TNS1: variants seen among roughly 807,000 people sequenced by gnomAD.
The protein encoded by TNS1 is tensin 1.
A neutral mutation model predicts 168.6 loss-of-function variants in TNS1; 62 were observed. That is an observed-to-expected ratio of 0.37 (90% CI 0.30 to 0.45). The LOEUF (loss-of-function observed/expected upper bound fraction) is 0.45, where lower values mean the gene tolerates loss of function less well. TNS1 is among the 20% of genes least tolerant of loss of function. TNS1 has a pLI of 1.00. For missense variants in TNS1, 2,240 were observed against 2,339.4 expected, an observed-to-expected ratio of 0.96 and a Z score of 0.88; for synonymous variants, 934 against 933.2, an observed-to-expected ratio of 1.00 and a Z score of -0.02.
chr2:217,841,606 G>A (rs932813835), intron 19 of TNS1, among the ~76,000 whole-genome samples: 3 of 152,052 alleles, frequency 2.0e-5, no homozygotes, highest in African/African-American at 7.3e-5. Flanking sequence ...GCACCACAGC[G>A]TTTCCCTCTC....
chr2:217,869,739 A>G (rs1442259893), intron 18 of TNS1, among the ~76,000 whole-genome samples: 1 of 152,228 alleles, frequency 6.6e-6, no homozygotes, highest in Non-Finnish European at 1.5e-5. Flanking sequence ...AGCAAAACAA[A>G]GGAGAAAAGA....
At chr2:217,959,335 C>T (rs1157575785) in intron 3 of TNS1, among the ~76,000 whole-genome samples, 1 of 151,998 alleles carries the variant, frequency 6.6e-6, no homozygotes, top group Non-Finnish European at 1.5e-5. Flanking sequence ...TAGCATGGAA[C>T]CTGGTATCTT....
At chr2:217,809,484 GATGGATGCATGGATGGATGC>G (rs1940273541) in intron 30 of TNS1, among the ~76,000 whole-genome samples, 1 of 21,600 alleles carries the variant, frequency 4.6e-5, no homozygotes, top group Non-Finnish European at 9.1e-5. Context: ...TGGATGGATG[GATGGATGCATGGATGGATGC>G]ATGGATGGAT....
At position 217,944,148 on chromosome 2, in the gene TNS1, G is replaced by A. The variant is rs187740668; in HGVS notation, c.187-23912C>T. Reference sequence around the variant, plus strand: ...GCCAACAGTGCACCGCCTCCTTCCCGGAGCCAGCCAGCAGTGGGCCCCCTC... The same window carrying A: ...GCCAACAGTGCACCGCCTCCTTCCCAGAGCCAGCCAGCAGTGGGCCCCCTC... On this transcript the variant is annotated intron_variant, in intron 3 of 32. Coordinates refer to ENST00000682258, the MANE Select transcript of TNS1 (RefSeq NM_001387777.1). 7.4e-3 allele frequency: 1,130 copies of A among 152,568 alleles called. 18 individuals are homozygous for A. The highest frequency in any genetic ancestry group is 7.2e-3 in the Non-Finnish European group (491 of 68,224). 9.5% of individuals were successfully genotyped at this position (152,568 alleles called of 1,614,324 possible).
chr2:217,935,547 C>G (rs1956559968), intron 3 of TNS1, among the ~76,000 whole-genome samples: 1 of 152,216 alleles, frequency 6.6e-6, no homozygotes, highest in Non-Finnish European at 1.5e-5. Flanking sequence ...CCGGCCACAG[C>G]AGAGGCAGCC....
intron 19 of TNS1, among the ~76,000 whole-genome samples, chr2:217,836,637 A>G (rs550884059): frequency 3.4e-4 from 52 of 152,318 alleles, no homozygotes; most frequent in African/African-American, 1.2e-3. Flanking sequence ...ACTCTTGGAA[A>G]GGGCTAAATT....
chr2:217,916,667 A>T (rs756169569), intron 4 of TNS1, among the ~76,000 whole-genome samples: 1 of 152,208 alleles, frequency 6.6e-6, no homozygotes, highest in Non-Finnish European at 1.5e-5. Context: ...CTGTTGAGTA[A>T]GATGAAAACA....
At position 217,799,910 on chromosome 2, in the gene TNS1, T is replaced by G. The variant is rs3747; in HGVS notation, c.*4549A>C. 0.52 allele frequency: 78,916 copies of G among 151,988 alleles called. 20,748 individuals carry two copies. The highest frequency in any genetic ancestry group is 0.7 in the East Asian group (3,611 of 5,162). The allele number at this position is 151,988 out of a possible 1,614,324, so 9.4% of individuals were successfully genotyped here. A position where few individuals can be genotyped will look rare whatever the true frequency, so the allele number is the denominator to read the frequency against. ...ACATTCATGTCCAGGATAAGGAGCA[T>G]ACACCAGGATTTATACACGGTGGCA... is the stretch of plus-strand genomic sequence containing the variant. On this transcript the variant is annotated 3_prime_UTR_variant, in exon 33 of 33. Coordinates refer to ENST00000682258, the MANE Select transcript of TNS1 (RefSeq NM_001387777.1).
intron 18 of TNS1, chr2:217,858,688 A>C: frequency 4.8e-6 from 1 of 207,704 alleles, no homozygotes; most frequent in Non-Finnish European, 8.3e-6. Flanking sequence ...ACACACACAC[A>C]CACACACACA....
At chr2:217,870,222 C>T (rs905084111) in intron 18 of TNS1, among the ~76,000 whole-genome samples, 7 of 152,264 alleles carry the variant, frequency 4.6e-5, no homozygotes, top group African/African-American at 1.2e-4. Context: ...CCCTTACCCA[C>T]GGGCTGCAGG....
intron 2 of TNS1, among the ~76,000 whole-genome samples, chr2:217,983,922 G>A (rs1025247533): frequency 2.6e-5 from 4 of 152,150 alleles, no homozygotes; most frequent in East Asian, 1.9e-4. Context: ...TGAGAAAGTC[G>A]GTTGGTTTTA....
chr2:217,908,555 G>A (rs1047124901), intron 4 of TNS1, among the ~76,000 whole-genome samples: 1 of 152,190 alleles, frequency 6.6e-6, no homozygotes, highest in African/African-American at 2.4e-5. Context: ...AAAGGCAGGG[G>A]AATGGACAGA....
chr2:217,901,422 T>C (rs1040531957), intron 6 of TNS1, among the ~76,000 whole-genome samples: 1 of 152,230 alleles, frequency 6.6e-6, no homozygotes, highest in African/African-American at 2.4e-5. Flanking sequence ...TGTTGTTACT[T>C]TTGTATCAAG....
chr2:217,986,300 T>C lies in TNS1; in HGVS notation c.148+4642A>G, dbSNP rs1958190875. Among the ~76,000 whole-genome samples the C allele has an allele frequency of 6.6e-6, 1 of 152,264 alleles. No homozygotes were observed. Among genetic ancestry groups the C allele is most frequent in the Non-Finnish European group, 1.5e-5 (1 of 68,046 alleles). On this transcript the variant is annotated intron_variant, in intron 2 of 32. Transcript: ENST00000682258. The surrounding 1 kb of genome is among the most constrained non-coding windows in gnomAD (Gnocchi z 4.7). ...CCCAAATCCAGTGGGTGCCGGCTTC[T>C]GCACAGGCTTGTCCTGTTAAAGGAC... is the stretch of plus-strand genomic sequence containing the variant.
In TNS1 at chr2:217,903,641, T is replaced by C. The variant is rs1007070286; in HGVS notation, c.321+2694A>G. On this transcript the variant is annotated intron_variant, in intron 6 of 32. Transcript: ENST00000682258. ...TCCTTCCTTTGCTGAAAGGGCACCA[T>C]GAAAGGAAATTCGACAGCCTCCCAG... 3.1e-5 allele frequency: 48 copies of C among 1,526,352 alleles called. No homozygotes were observed. In the Admixed American group the frequency reaches 6.1e-4, roughly 19 times the overall value. The allele number at this position is 1,526,352 out of a possible 1,614,324, so 94.6% of individuals were successfully genotyped here.
Position 217,886,589 on chromosome 2 carries a change from G to A in TNS1, c.924C>T (p.Pro308=). Residue 308 remains proline (P), a synonymous_variant, in exon 13 of 33, where the codon CCC becomes CCT. Transcript: ENST00000682258. ...LSGSIKMNNK[P]LFLHHVIMHG... ...GCATGATCACGTGGTGCAGAAACAA[G>A]GGCTTGTTGTTCATTTTGATGGAGC... is the stretch of plus-strand genomic sequence containing the variant. The A allele has an allele frequency of 1.2e-6, 2 of 1,605,876 alleles. No individual in the cohort carries two copies. Among genetic ancestry groups the A allele is most frequent in the African/African-American group, 1.3e-5 (1 of 74,988 alleles).
chr2:217,886,776 C>CCCCTCCCCAACCAGGCCT, intron 12 of TNS1, 130 bp from the exon 13 acceptor site: 1 of 716,682 alleles, frequency 1.4e-6, no homozygotes, highest in East Asian at 2.8e-5. Flanking sequence ...CAACATGGTC[C>CCCCTCCCCAACCAGGCCT]CCCTCCCCAA....
chr2:217,942,597 G>A (rs1956968890), intron 3 of TNS1, among the ~76,000 whole-genome samples: 2 of 152,090 alleles, frequency 1.3e-5, no homozygotes, highest in South Asian at 2.1e-4. Context: ...GAGCCACCAT[G>A]GTCTCCACCC....
chr2:217,966,059 T>C (rs1274943246), intron 3 of TNS1, among the ~76,000 whole-genome samples: 3 of 152,106 alleles, frequency 2.0e-5, no homozygotes, highest in African/African-American at 7.2e-5. Flanking sequence ...TTCTCTCTGC[T>C]CTGGGCTCCT....
Sources: gnomAD v4.1 joint callset for allele counts (sites outside exome capture counted in the v4.1 genomes callset) on GRCh38, gnomAD v4.1.1 for gene constraint, Gnocchi (gnomAD v3.1) non-coding constraint, MANE v1.5 for transcripts, NCBI Gene and HGNC (gene_info 2026-07-23, HGNC 2026-07-21) for gene names.